ANKRD46: variants seen among roughly 807,000 people sequenced by gnomAD.
The protein encoded by ANKRD46 is ankyrin repeat domain 46, also known as ankyrin repeat domain-containing protein 46.
ANKRD46 carries 13 observed loss-of-function variants against 19.8 expected under a neutral mutation model. That is an observed-to-expected ratio of 0.66 (90% CI 0.43 to 1.04). The LOEUF is 1.04. ANKRD46 is among the 50% of genes least tolerant of loss of function. ANKRD46 has a pLI of 0.00. For missense variants in ANKRD46, 185 were observed against 274.8 expected, an observed-to-expected ratio of 0.67 and a Z score of 2.31; for synonymous variants, 91 against 106.9, an observed-to-expected ratio of 0.85 and a Z score of 0.92.
chr8:100,515,672 G>A lies in ANKRD46; in HGVS notation c.637-5033C>T, dbSNP rs565508650. Among the ~76,000 whole-genome samples the A allele has an allele frequency of 4.1e-4, 62 of 150,268 alleles. 1 individual carries two copies. The highest frequency in any genetic ancestry group is 1.4e-3 in the African/African-American group (58 of 40,686). On this transcript the variant is annotated intron_variant, in intron 5 of 5. Transcript: ENST00000520552. ...CTGAGGTGCGGGGGAGGGGGGGGGC[G>A]GTGATGGCAGCGTGTGAGGGAGGGG... is the stretch of plus-strand genomic sequence containing the variant.
At chr8:100,555,437 G>C (rs1005100177) in intron 1 of ANKRD46, among the ~76,000 whole-genome samples, 6 of 146,606 alleles carry the variant, frequency 4.1e-5, no homozygotes, top group Admixed American at 6.8e-5. Context: ...AAAAAATTAA[G>C]AACTCAGGGT....
Position 100,522,438 on chromosome 8 carries a change from CA to C in ANKRD46, c.*116del, listed in dbSNP as rs1287739574. On this transcript the variant is annotated 3_prime_UTR_variant, in exon 5 of 5. Coordinates refer to ENST00000335659, the MANE Select transcript of ANKRD46 (RefSeq NM_001270377.2). ...AAAAGGATTACAATAATTAAAAATG[CA>C]AAAAGAACATGTACTGCCCTCACTG... is the stretch of plus-strand genomic sequence containing the variant. 3 of 1,459,672 alleles carry C rather than the reference CA, an allele frequency of 2.1e-6. No individual in the cohort carries two copies. In the African/African-American group the frequency reaches 4.3e-5, roughly 21 times the overall value. 90.4% of individuals were successfully genotyped at this position (1,459,672 alleles called of 1,614,324 possible). A position where few individuals can be genotyped will look rare whatever the true frequency, so the allele number is the denominator to read the frequency against.
At chr8:100,549,741 G>A (rs1812344009) in intron 1 of ANKRD46, among the ~76,000 whole-genome samples, 1 of 152,108 alleles carries the variant, frequency 6.6e-6, no homozygotes, top group Admixed American at 6.5e-5. Flanking sequence ...CACTCTTGGT[G>A]TTATACATTC....
In ANKRD46 at chr8:100,510,459, A is replaced by G. The variant is rs1811531820; in HGVS notation, c.*118T>C. On this transcript the variant is annotated 3_prime_UTR_variant, in exon 6 of 6. Coordinates refer to the ANKRD46 transcript ENST00000520552. This position sits in a 1 kb window ranked among gnomAD's most constrained non-coding sequence, Gnocchi z 4.9. The stretch of plus-strand genomic sequence containing the variant: ...TGCCTCCTAACTGCAGAGCTTTGAG[A>G]TGATGCTCCATGACACAAGTCGTGA... 1 of 972,194 alleles carries G rather than the reference A, an allele frequency of 1.0e-6. No individual in the cohort carries two copies. The allele number at this position is 972,194 out of a possible 1,614,324, so 60.2% of individuals were successfully genotyped here.
intron 4 of ANKRD46, among the ~76,000 whole-genome samples, chr8:100,523,755 T>C (rs1418950872): frequency 6.6e-6 from 1 of 152,038 alleles, no homozygotes; most frequent in Admixed American, 6.6e-5. Context: ...GCAATCCTCC[T>C]GCCTCAGCCC....
Position 100,525,990 on chromosome 8 carries a change from AC to A in ANKRD46, c.470+1854del, listed in dbSNP as rs1811834148. ...TCATTTGCATTTTCCTAATGACATT[AC>A]CTTTCAACTTTCTGATTTAAGCTTC... On this transcript the variant is annotated intron_variant, in intron 4 of 4. Transcript: ENST00000335659. The surrounding 1 kb of genome is among the most constrained non-coding windows in gnomAD (Gnocchi z 4.4). Among the ~76,000 whole-genome samples the A allele has an allele frequency of 6.6e-6, 1 of 152,188 alleles. No homozygotes were observed. The highest frequency in any genetic ancestry group is 1.5e-5 in the Non-Finnish European group (1 of 68,026).
intron 1 of ANKRD46, among the ~76,000 whole-genome samples, chr8:100,549,638 AC>A (rs1812341839): frequency 6.6e-6 from 1 of 152,020 alleles, no homozygotes; most frequent in African/African-American, 2.4e-5. Context: ...ATATTCCCCC[AC>A]CCTGCCACCA....
At chr8:100,547,032 G>GCCA (rs1307398502) in intron 1 of ANKRD46, among the ~76,000 whole-genome samples, 3 of 152,338 alleles carry the variant, frequency 2.0e-5, no homozygotes, top group African/African-American at 4.8e-5. Context: ...CAGACTCATA[G>GCCA]GTGGAAGAGA....
At position 100,546,811 on chromosome 8, in the gene ANKRD46, C is replaced by T. The variant is rs1427398731; in HGVS notation, c.-131+12900G>A. On this transcript the variant is annotated intron_variant, in intron 1 of 4. Coordinates refer to ENST00000335659, the MANE Select transcript of ANKRD46 (RefSeq NM_001270377.2). This position sits in a 1 kb window ranked among gnomAD's most constrained non-coding sequence, Gnocchi z 4.0. ...AGCTGCTCAAGGCCGTGGGAGCACA[C>T]CCCTTGCATCAGCATACCCTGGATG... Among the ~76,000 whole-genome samples the T allele has an allele frequency of 6.6e-6, 1 of 152,220 alleles. No individual in the cohort carries two copies. Among genetic ancestry groups the T allele is most frequent in the Non-Finnish European group, 1.5e-5 (1 of 68,044 alleles).
chr8:100,553,730 C>T (rs1812440601), intron 1 of ANKRD46, among the ~76,000 whole-genome samples: 1 of 152,018 alleles, frequency 6.6e-6, no homozygotes, highest in African/African-American at 2.4e-5. Flanking sequence ...GCCTGGGAGA[C>T]AGAGCAAAAC....
At chr8:100,539,574 A>G (rs1411870822) in intron 1 of ANKRD46, among the ~76,000 whole-genome samples, 1 of 152,226 alleles carries the variant, frequency 6.6e-6, no homozygotes, top group Non-Finnish European at 1.5e-5. Flanking sequence ...TTTTATATCC[A>G]ACTTTGTAGA....
intron 1 of ANKRD46, among the ~76,000 whole-genome samples, chr8:100,555,898 G>C (rs1812490310): frequency 6.6e-6 from 1 of 152,084 alleles, no homozygotes; most frequent in South Asian, 2.1e-4. Context: ...TATTTGCTAT[G>C]GAAAAGGCAC....
At chr8:100,517,400 C>T (rs2058762656), downstream of ANKRD46, among the ~76,000 whole-genome samples, 1 of 152,198 alleles carries the variant, frequency 6.6e-6, no homozygotes, top group South Asian at 2.1e-4. Context: ...TCAACGTTGC[C>T]AAGTTTGATT....
At chr8:100,518,524 T>C (rs1012107960), downstream of ANKRD46, among the ~76,000 whole-genome samples, 4 of 152,142 alleles carry the variant, frequency 2.6e-5, no homozygotes, top group Non-Finnish European at 5.9e-5. Context: ...AATTATCTCG[T>C]GGTTGTATTC....
At position 100,557,795 on chromosome 8, in the gene ANKRD46, C is replaced by T. The variant is rs984200234; in HGVS notation, c.-131+1916G>A. Among the ~76,000 whole-genome samples the T allele has an allele frequency of 2.6e-5, 4 of 152,198 alleles. No homozygotes were observed. The highest frequency in any genetic ancestry group is 2.1e-4 in the South Asian group (1 of 4,830). Reference sequence around the variant, plus strand: ...TAGACAGCTGCATGGCGGTCCCCAACGCCTTCAGTTTTGCTTGAGTCTTTT... The same window carrying T: ...TAGACAGCTGCATGGCGGTCCCCAATGCCTTCAGTTTTGCTTGAGTCTTTT... On this transcript the variant is annotated intron_variant, in intron 1 of 4. Coordinates refer to ENST00000335659, the MANE Select transcript of ANKRD46 (RefSeq NM_001270377.2). This position sits in a 1 kb window ranked among gnomAD's most constrained non-coding sequence, Gnocchi z 5.9.
At chr8:100,531,956 AT>A (rs1275401100) in intron 2 of ANKRD46, among the ~76,000 whole-genome samples, 1 of 152,218 alleles carries the variant, frequency 6.6e-6, no homozygotes, top group Non-Finnish European at 1.5e-5. Flanking sequence ...TAGGCAAGAA[AT>A]GAAAACCTGA....
In ANKRD46 at chr8:100,521,489, A is replaced by C; in HGVS notation, c.*1066T>G. On this transcript the variant is annotated 3_prime_UTR_variant, in exon 5 of 5. Transcript: ENST00000335659. The stretch of plus-strand genomic sequence containing the variant: ...TGAGGGCCAGATTTCAATTTACATA[A>C]TATTACCATTCATAAAGAGTTTATG... The C allele has an allele frequency of 2.0e-6, 2 of 985,442 alleles. No individual in the cohort carries two copies. Among genetic ancestry groups the C allele is most frequent in the South Asian group, 4.7e-5 (1 of 21,284 alleles). 61.0% of individuals were successfully genotyped at this position (985,442 alleles called of 1,614,324 possible). A position where few individuals can be genotyped will look rare whatever the true frequency, so the allele number is the denominator to read the frequency against.
In ANKRD46 at chr8:100,522,453, C is replaced by A; in HGVS notation, c.*102G>T. ...ATTAAAAATGCAAAAAGAACATGTACTGCCCTCACTGCTTTGCGCTAAGAA... is the reference window on the plus strand; with the variant it reads ...ATTAAAAATGCAAAAAGAACATGTAATGCCCTCACTGCTTTGCGCTAAGAA... On this transcript the variant is annotated 3_prime_UTR_variant, in exon 5 of 5. Transcript: ENST00000335659. 6.6e-7 allele frequency: 1 copy of A among 1,509,646 alleles called. No homozygotes were observed. 93.5% of individuals were successfully genotyped at this position (1,509,646 alleles called of 1,614,324 possible).
At chr8:100,513,272 G>A (rs541215503) in intron 5 of ANKRD46, among the ~76,000 whole-genome samples, 1 of 152,006 alleles carries the variant, frequency 6.6e-6, no homozygotes. Context: ...AAAATCACTG[G>A]AGTGAGTTAG....
Sources: allele counts gnomAD v4.1 joint callset (sites outside exome capture counted in the v4.1 genomes callset), GRCh38; gene constraint gnomAD v4.1.1; non-coding constraint Gnocchi (gnomAD v3.1); transcripts MANE v1.5; gene names NCBI Gene and HGNC (gene_info 2026-07-23, HGNC 2026-07-21).